STIM1: variants seen among roughly 807,000 people sequenced by gnomAD.
STIM1 encodes stromal interaction molecule 1.
Under a neutral mutation model 74.7 loss-of-function variants are expected in STIM1, and 25 were observed. That is an observed-to-expected ratio of 0.33 (90% CI 0.24 to 0.47). STIM1 has a LOEUF of 0.47. Ranked by LOEUF, STIM1 falls within the 20% of genes least tolerant of loss-of-function variation. The pLI is 1.00. For missense variants in STIM1, 728 were observed against 920.8 expected, an observed-to-expected ratio of 0.79 and a Z score of 2.71; for synonymous variants, 328 against 348.8, an observed-to-expected ratio of 0.94 and a Z score of 0.66.
At chr11:3,974,022 T>G in intron 2 of STIM1, 2 of 690,956 alleles carry the variant, frequency 2.9e-6, no homozygotes, top group Non-Finnish European at 5.3e-6. Flanking sequence ...AGCCTTGCAT[T>G]CACGGCTGCA....
intron 1 of STIM1, among the ~76,000 whole-genome samples, chr11:3,951,835 T>C (rs1361371075): frequency 6.6e-6 from 1 of 152,170 alleles, no homozygotes; most frequent in Non-Finnish European, 1.5e-5. Context: ...TGATGAGTGC[T>C]GGCTAGGGCA....
upstream of STIM1, chr11:3,854,699 C>T (rs1031998645): frequency 6.6e-6 from 1 of 152,202 alleles, no homozygotes; most frequent in Non-Finnish European, 1.5e-5. Flanking sequence ...TTACAGGCCC[C>T]ACCGAAAAAC....
At chr11:4,001,254 C>T (rs867865593) in intron 2 of STIM1, among the ~76,000 whole-genome samples, 9 of 151,290 alleles carry the variant, frequency 5.9e-5, no homozygotes, top group Admixed American at 2.0e-4. Context: ...AGATACTCCT[C>T]GAGAAGAGCA....
chr11:4,066,948 CACTT>C (rs1356945407), intron 5 of STIM1, among the ~76,000 whole-genome samples: 1 of 152,176 alleles, frequency 6.6e-6, no homozygotes, highest in Non-Finnish European at 1.5e-5. Context: ...TTCATAGACT[CACTT>C]AGTGGTGTGG....
chr11:3,885,094 TTATAGA>T (rs1421116443), intron 1 of STIM1, among the ~76,000 whole-genome samples: 2 of 152,082 alleles, frequency 1.3e-5, no homozygotes, highest in Non-Finnish European at 2.9e-5. Context: ...TGGGACAACC[TTATAGA>T]TATATTAAAA....
chr11:4,039,471 C>T (rs548794715), intron 3 of STIM1, among the ~76,000 whole-genome samples: 5 of 150,366 alleles, frequency 3.3e-5, no homozygotes, highest in South Asian at 2.1e-4. Context: ...CCTGTAATCA[C>T]GGCTACTCGG....
chr11:3,878,300 A>G (rs1284228301), intron 1 of STIM1, among the ~76,000 whole-genome samples: 1 of 152,142 alleles, frequency 6.6e-6, no homozygotes, highest in African/African-American at 2.4e-5. Context: ...ATTTTCTTTA[A>G]TCTTCACAAC....
chr11:3,958,508 T>C (rs2093245336), intron 1 of STIM1, among the ~76,000 whole-genome samples: 1 of 152,172 alleles, frequency 6.6e-6, no homozygotes, highest in South Asian at 2.1e-4. Flanking sequence ...CGAGTGGTTC[T>C]AACAGACGCA....
chr11:4,076,138 T>C (rs763050689), intron 7 of STIM1, among the ~76,000 whole-genome samples: 44 of 152,234 alleles, frequency 2.9e-4, no homozygotes, highest in South Asian at 1.0e-3. Context: ...TTATTGTCTT[T>C]TGATAAACAG....
intron 4 of STIM1, chr11:4,058,781 A>AT (rs1301741775): frequency 1.5e-5 from 15 of 985,122 alleles, no homozygotes; most frequent in Admixed American, 5.5e-5. Context: ...GTTAATTAAA[A>AT]TTTTTTTTCC....
At chr11:3,855,173 T>C (rs1387578477), upstream of STIM1, 1 of 152,364 alleles carries the variant, frequency 6.6e-6, no homozygotes, top group Non-Finnish European at 1.5e-5. Flanking sequence ...AGTTGGGGGC[T>C]GGGAGCTCGC....
chr11:3,907,442 A>T lies in STIM1; in HGVS notation c.139+51033A>T, dbSNP rs527326806. On this transcript the variant is annotated intron_variant, in intron 1 of 12. Transcript: ENST00000526596. ...TTTCACTTACATGGAATCTGTCAGC[A>T]TATCCTGTCGGTTCTACCTTTAAAA... Among the ~76,000 whole-genome samples, 437 of 152,322 alleles carry T rather than the reference A, an allele frequency of 2.9e-3. 7 individuals are homozygous for T. Among genetic ancestry groups the T allele is most frequent in the Middle Eastern group, 6.8e-3 (2 of 292 alleles).
intron 1 of STIM1, among the ~76,000 whole-genome samples, chr11:3,917,289 C>A (rs1271133131): frequency 1.3e-5 from 2 of 152,094 alleles, no homozygotes; most frequent in African/African-American, 2.4e-5. Context: ...TTCCTGAGAA[C>A]TGTGCAAAAA....
chr11:3,873,897 G>C (rs2091223488), intron 1 of STIM1, among the ~76,000 whole-genome samples: 1 of 152,156 alleles, frequency 6.6e-6, no homozygotes, highest in Non-Finnish European at 1.5e-5. Context: ...TGGCTGAACT[G>C]TGTGAAGGGC....
rs142580783 is a variant in STIM1, at chr11:4,072,255, T to A, written c.791+2052T>A. On this transcript the variant is annotated intron_variant, in intron 6 of 12. Transcript: ENST00000526596. Reference sequence around the variant, plus strand: ...AGGCTTGCACACATGCACACATATATCCTCCTCTGAGTGTCCAGAGCCCAC... The same window carrying A: ...AGGCTTGCACACATGCACACATATAACCTCCTCTGAGTGTCCAGAGCCCAC... 7.9e-5 allele frequency among the ~76,000 whole-genome samples: 12 copies of A among 152,274 alleles called. No individual in the cohort carries two copies. The East Asian group carries it at 2.3e-3, about 29-fold the overall frequency.
At chr11:3,872,535 T>C (rs1164374757) in intron 1 of STIM1, among the ~76,000 whole-genome samples, 1 of 150,612 alleles carries the variant, frequency 6.6e-6, no homozygotes, top group Non-Finnish European at 1.5e-5. Flanking sequence ...TTTTTTTTTT[T>C]TTTTGAGATG....
chr11:3,931,917 G>T (rs1347879235), intron 1 of STIM1, among the ~76,000 whole-genome samples: 2 of 152,138 alleles, frequency 1.3e-5, no homozygotes, highest in East Asian at 3.9e-4. Context: ...TGAGGCCCTG[G>T]GTTTTGAGTT....
chr11:3,932,736 G>C lies in STIM1; in HGVS notation c.140-34816G>C, dbSNP rs536386130. On this transcript the variant is annotated intron_variant, in intron 1 of 12. Transcript: ENST00000526596. Reference sequence around the variant, plus strand: ...CTCTCTTGCCCCTTCTGCAGTGGGAGGACACAGAAAGGAGACAGCCATCTA... The same window carrying C: ...CTCTCTTGCCCCTTCTGCAGTGGGACGACACAGAAAGGAGACAGCCATCTA... Among the ~76,000 whole-genome samples, 168 of 152,014 alleles carry C rather than the reference G, an allele frequency of 1.1e-3. 1 individual carries two copies. Among genetic ancestry groups the C allele is most frequent in the African/African-American group, 3.9e-3 (160 of 41,442 alleles).
chr11:3,890,446 C>T (rs1304791443), intron 1 of STIM1, among the ~76,000 whole-genome samples: 8 of 152,132 alleles, frequency 5.3e-5, no homozygotes, highest in Admixed American at 5.2e-4. Context: ...AGCTACATAC[C>T]CAGTAGCACT....
Sources: gnomAD v4.1 joint callset for allele counts (sites outside exome capture counted in the v4.1 genomes callset) on GRCh38, gnomAD v4.1.1 for gene constraint, MANE v1.5 for transcripts, NCBI Gene and HGNC (gene_info 2026-07-23, HGNC 2026-07-21) for gene names.